DPYD: variants seen among roughly 807,000 people sequenced by gnomAD.
DPYD encodes dihydropyrimidine dehydrogenase, also known as dihydropyrimidine dehydrogenase [NADP(+)].
Under a neutral mutation model 116.2 loss-of-function variants are expected in DPYD, and 109 were observed. The ratio of observed to expected loss-of-function variants is 0.94; its 90% CI spans 0.80 to 1.10. DPYD has a LOEUF of 1.10. DPYD is among the 50% of genes least tolerant of loss of function. The pLI is 0.00. For missense variants in DPYD, 1,302 were observed against 1,254.5 expected, an observed-to-expected ratio of 1.04 and a Z score of -0.57; for synonymous variants, 440 against 432.0, an observed-to-expected ratio of 1.02 and a Z score of -0.23.
chr1:97,441,211 G>T (rs1185050521), intron 14 of DPYD, among the ~76,000 whole-genome samples: 3 of 152,004 alleles, frequency 2.0e-5, no homozygotes, highest in East Asian at 3.9e-4. Context: ...TTTCTTGGGG[G>T]TTTTTTTGGG....
intron 12 of DPYD, among the ~76,000 whole-genome samples, chr1:97,540,100 G>C (rs1316635975): frequency 6.6e-6 from 1 of 152,014 alleles, no homozygotes; most frequent in East Asian, 1.9e-4. Flanking sequence ...CAAGCTGAAT[G>C]TCTTCTAATT....
chr1:97,457,758 A>G (rs1361200915), intron 13 of DPYD, among the ~76,000 whole-genome samples: 1 of 152,208 alleles, frequency 6.6e-6, no homozygotes, highest in Non-Finnish European at 1.5e-5. Context: ...GAGTTGGGTC[A>G]GATTGCAGAG....
At chr1:97,166,178 T>C (rs1656311860) in intron 20 of DPYD, among the ~76,000 whole-genome samples, 1 of 152,168 alleles carries the variant, frequency 6.6e-6, no homozygotes, top group Non-Finnish European at 1.5e-5. Context: ...AGTCATTAAA[T>C]CAACCTAAAT....
intron 12 of DPYD, among the ~76,000 whole-genome samples, chr1:97,516,265 T>TC: frequency 6.6e-6 from 1 of 152,184 alleles, no homozygotes; most frequent in East Asian, 1.9e-4. Flanking sequence ...CCAGTCTCTT[T>TC]GTACTTAAGT....
At chr1:97,444,449 A>G (rs1298047973) in intron 14 of DPYD, among the ~76,000 whole-genome samples, 1 of 152,192 alleles carries the variant, frequency 6.6e-6, no homozygotes, top group Non-Finnish European at 1.5e-5. Flanking sequence ...AGTGCCTGAA[A>G]CATATGAAAT....
At chr1:97,812,806 T>C (rs1668401613) in intron 3 of DPYD, among the ~76,000 whole-genome samples, 1 of 152,118 alleles carries the variant, frequency 6.6e-6, no homozygotes, top group African/African-American at 2.4e-5. Context: ...TCAAAGAGTA[T>C]ACGTTAGTAT....
In DPYD at chr1:97,108,078, A is replaced by T. The variant is rs553385516; in HGVS notation, c.2623-9446T>A. ...AGGGTGTTACATGCAGAAGTTAATG[A>T]AATACCATAGAGCTGCTGAGAAAAC... On this transcript the variant is annotated intron_variant, in intron 20 of 22. Transcript: ENST00000370192. Among the ~76,000 whole-genome samples, 356 of 152,246 alleles carry T rather than the reference A, an allele frequency of 2.3e-3. 3 individuals are homozygous for T. Among genetic ancestry groups the T allele is most frequent in the Non-Finnish European group, 3.0e-3 (205 of 68,002 alleles).
chr1:97,512,074 GA>G (rs1271901170), intron 13 of DPYD, among the ~76,000 whole-genome samples: 2 of 151,664 alleles, frequency 1.3e-5, no homozygotes, highest in Admixed American at 6.6e-5. Flanking sequence ...CATATACTGG[GA>G]AAAAAATAAA....
At chr1:97,864,373 C>A (rs948880517) in intron 2 of DPYD, among the ~76,000 whole-genome samples, 3 of 151,822 alleles carry the variant, frequency 2.0e-5, no homozygotes, top group Non-Finnish European at 4.4e-5. Flanking sequence ...GCCTGAAGGT[C>A]AAGATTGGAT....
intron 18 of DPYD, among the ~76,000 whole-genome samples, chr1:97,276,256 T>C (rs1370261010): frequency 6.6e-6 from 1 of 152,144 alleles, no homozygotes; most frequent in African/African-American, 2.4e-5. Context: ...TTAAATCTTA[T>C]GACTAAGTTC....
At chr1:97,704,714 T>C (rs1661806226) in intron 5 of DPYD, among the ~76,000 whole-genome samples, 1 of 151,970 alleles carries the variant, frequency 6.6e-6, no homozygotes, top group African/African-American at 2.4e-5. Context: ...AACAAAAATA[T>C]TATAAAATAA....
chr1:97,108,945 G>A (rs562118138), intron 20 of DPYD, among the ~76,000 whole-genome samples: 1 of 152,170 alleles, frequency 6.6e-6, no homozygotes, highest in South Asian at 2.1e-4. Flanking sequence ...GGATTTGGGA[G>A]AAAAAATAGA....
At chr1:97,696,670 A>G (rs1661325245) in intron 6 of DPYD, among the ~76,000 whole-genome samples, 1 of 152,146 alleles carries the variant, frequency 6.6e-6, no homozygotes. Context: ...GTCAGACAAC[A>G]TGAAAAAAAT....
chr1:97,812,694 ATGTATT>A (rs1404245249), intron 3 of DPYD, among the ~76,000 whole-genome samples: 12 of 152,038 alleles, frequency 7.9e-5, no homozygotes, highest in Admixed American at 6.6e-4. Flanking sequence ...CATATTTAAA[ATGTATT>A]TGTTTTTATA....
rs547141704 is a variant in DPYD at position 97,505,012 on chromosome 1, G to A, written c.1740+10714C>T. On this transcript the variant is annotated intron_variant, in intron 13 of 22. Transcript: ENST00000370192. ...GATTAATGTAGCTCCAGGGGACTTG[G>A]GTGGTCATTGGCCTTTTAATATTTG... Among the ~76,000 whole-genome samples the A allele has an allele frequency of 2.4e-4, 37 of 152,012 alleles. 1 individual carries two copies. The South Asian group carries it at 5.2e-3, about 21-fold the overall frequency.
intron 8 of DPYD, among the ~76,000 whole-genome samples, chr1:97,664,654 T>A (rs924807956): frequency 1.9e-4 from 29 of 152,108 alleles, no homozygotes; most frequent in African/African-American, 7.0e-4. Context: ...GTCCAAAACC[T>A]TTAACCTCTT....
intron 20 of DPYD, among the ~76,000 whole-genome samples, chr1:97,168,301 C>G (rs1006428153): frequency 6.6e-6 from 1 of 152,166 alleles, no homozygotes; most frequent in Non-Finnish European, 1.5e-5. Context: ...CTGGCAGCAG[C>G]TCTTCACTCT....
intron 4 of DPYD, among the ~76,000 whole-genome samples, chr1:97,729,148 C>T (rs998756244): frequency 3.3e-5 from 5 of 152,006 alleles, no homozygotes; most frequent in African/African-American, 1.2e-4. Flanking sequence ...TAGAAGATAA[C>T]GTTTTTATTG....
chr1:97,730,543 A>G (rs1663534149), intron 4 of DPYD, among the ~76,000 whole-genome samples: 1 of 152,082 alleles, frequency 6.6e-6, no homozygotes, highest in Non-Finnish European at 1.5e-5. Flanking sequence ...TTTAATATTG[A>G]AAATGAAAAT....
Sources: gnomAD v4.1 joint callset for allele counts (sites outside exome capture counted in the v4.1 genomes callset) on GRCh38, gnomAD v4.1.1 for gene constraint, MANE v1.5 for transcripts, NCBI Gene and HGNC (gene_info 2026-07-23, HGNC 2026-07-21) for gene names.